Variants in DNAJC1 observed in about 807,000 individuals in gnomAD.
The protein encoded by DNAJC1 is DnaJ heat shock protein family (Hsp40) member C1.
In DNAJC1, 58 loss-of-function variants were observed where a neutral mutation model predicts 76.6. That is an observed-to-expected ratio of 0.76 (90% CI 0.61 to 0.94). The LOEUF (loss-of-function observed/expected upper bound fraction) is 0.94. Among genes scored for constraint, DNAJC1 ranks in the 40% least tolerant of loss-of-function variants. The probability of loss-of-function intolerance (pLI) is 0.00; values close to 1 mark genes in which losing one functional copy is unlikely to be tolerated. For missense variants in DNAJC1, 689 were observed against 677.3 expected, an observed-to-expected ratio of 1.02 and a Z score of -0.19; for synonymous variants, 258 against 267.9, an observed-to-expected ratio of 0.96 and a Z score of 0.36.
intron 7 of DNAJC1, among the ~76,000 whole-genome samples, chr10:21,885,573 T>G (rs1190088795): frequency 6.6e-6 from 1 of 152,146 alleles, no homozygotes; most frequent in Non-Finnish European, 1.5e-5. Flanking sequence ...ACTCTAAAAT[T>G]GATCACATAA....
intron 9 of DNAJC1, among the ~76,000 whole-genome samples, chr10:21,780,174 G>C (rs1488293263): frequency 6.6e-6 from 1 of 152,198 alleles, no homozygotes; most frequent in Non-Finnish European, 1.5e-5. Flanking sequence ...ACACTCTTCA[G>C]GATTTTATCC....
At chr10:21,841,370 T>C (rs1347583583) in intron 8 of DNAJC1, among the ~76,000 whole-genome samples, 1 of 151,930 alleles carries the variant, frequency 6.6e-6, no homozygotes, top group Non-Finnish European at 1.5e-5. Flanking sequence ...AGAGCTAATA[T>C]CCAGAATCTA....
intron 7 of DNAJC1, among the ~76,000 whole-genome samples, chr10:21,891,436 T>C (rs1259572611): frequency 2.3e-5 from 1 of 43,058 alleles, no homozygotes; most frequent in Non-Finnish European, 4.8e-5. Flanking sequence ...AATCTGAGGA[T>C]AGAAAAACAT....
intron 8 of DNAJC1, among the ~76,000 whole-genome samples, chr10:21,829,486 G>A (rs1209675092): frequency 1.3e-5 from 2 of 152,170 alleles, no homozygotes; most frequent in Non-Finnish European, 2.9e-5. Context: ...AAAGTGCTGG[G>A]ATTACAGGCA....
chr10:21,905,864 A>G (rs1163856914), intron 6 of DNAJC1, among the ~76,000 whole-genome samples: 2 of 152,278 alleles, frequency 1.3e-5, no homozygotes, highest in African/African-American at 2.4e-5. Context: ...ACATTCTCAG[A>G]CCATAAGATT....
Position 21,826,237 on chromosome 10 carries a change from C to CA in DNAJC1, c.979-20139dup, listed in dbSNP as rs538301271. Among the ~76,000 whole-genome samples, 271 of 77,496 alleles carry CA rather than the reference C, an allele frequency of 3.5e-3. 11 individuals carry two copies. The highest frequency in any genetic ancestry group is 0.025 in the East Asian group (39 of 1,544). The allele number at this position is 77,496 out of a possible 152,430, so 50.8% of individuals were successfully genotyped here. A position where few individuals can be genotyped will look rare whatever the true frequency, so the allele number is the denominator to read the frequency against. On this transcript the variant is annotated intron_variant, in intron 8 of 11. Transcript: ENST00000376980. ...TGGGCAACAAGAATGAGACTTTGTCCAAAAAAAAAAAAGAAGAAGAGGAGA... is the reference window on the plus strand; with the variant it reads ...TGGGCAACAAGAATGAGACTTTGTCCAAAAAAAAAAAAAGAAGAAGAGGAGA...
At chr10:21,840,333 G>C (rs552251118) in intron 8 of DNAJC1, among the ~76,000 whole-genome samples, 37 of 152,326 alleles carry the variant, frequency 2.4e-4, no homozygotes, top group African/African-American at 8.9e-4. Context: ...CAGACGACAT[G>C]ATTGTATATC....
At chr10:21,829,605 G>T (rs887623827) in intron 8 of DNAJC1, among the ~76,000 whole-genome samples, 1 of 152,186 alleles carries the variant, frequency 6.6e-6, no homozygotes, top group Admixed American at 6.5e-5. Flanking sequence ...ACCTGCCTCG[G>T]CCTCCCCAAG....
At chr10:21,758,466 C>G (rs1452034474) in intron 11 of DNAJC1, among the ~76,000 whole-genome samples, 1 of 152,216 alleles carries the variant, frequency 6.6e-6, no homozygotes, top group African/African-American at 2.4e-5. Flanking sequence ...CACTCCCGCC[C>G]CCTCCTCCCA....
At chr10:21,779,619 G>T (rs1010712501) in intron 9 of DNAJC1, among the ~76,000 whole-genome samples, 1 of 152,042 alleles carries the variant, frequency 6.6e-6, no homozygotes. Context: ...AAAGACCAAA[G>T]GTAGATAAAA....
intron 9 of DNAJC1, among the ~76,000 whole-genome samples, chr10:21,788,056 G>A (rs952660779): frequency 6.6e-6 from 1 of 152,220 alleles, no homozygotes; most frequent in African/African-American, 2.4e-5. Flanking sequence ...GCTCAGCTGT[G>A]AGCACCTTTC....
Position 22,003,466 on chromosome 10 carries a change from C to A in DNAJC1, c.-32G>T. 1 of 1,335,902 alleles carries A rather than the reference C, an allele frequency of 7.5e-7. No individual in the cohort carries two copies. The highest frequency in any genetic ancestry group is 9.5e-7 in the Non-Finnish European group (1 of 1,050,076). The allele number at this position is 1,335,902 out of a possible 1,614,324, so 82.8% of individuals were successfully genotyped here. A position where few individuals can be genotyped will look rare whatever the true frequency, so the allele number is the denominator to read the frequency against. On this transcript the variant is annotated 5_prime_UTR_variant, in exon 1 of 12. Coordinates refer to ENST00000376980, the MANE Select transcript of DNAJC1 (RefSeq NM_022365.4). ...GGGCTCGGAAAGGTCACCCGCCGCG[C>A]AGCTCCGTTGGCCGAGAGCTGGGAC...
intron 9 of DNAJC1, among the ~76,000 whole-genome samples, chr10:21,787,536 T>C (rs2131632119): frequency 6.6e-6 from 1 of 152,180 alleles, no homozygotes; most frequent in African/African-American, 2.4e-5. Context: ...AATAAACCAC[T>C]ACATTTTAAC....
chr10:21,781,629 G>A (rs1217357954), intron 9 of DNAJC1, among the ~76,000 whole-genome samples: 1 of 149,402 alleles, frequency 6.7e-6, no homozygotes, highest in African/African-American at 2.5e-5. Context: ...GCTGAGGCAG[G>A]AGAATGGCGT....
chr10:21,903,482 T>C (rs188051023), intron 7 of DNAJC1, among the ~76,000 whole-genome samples: 12 of 152,362 alleles, frequency 7.9e-5, no homozygotes, highest in East Asian at 7.7e-4. Flanking sequence ...TTTGTAAGTA[T>C]TGAAGCTTTT....
intron 5 of DNAJC1, 130 bp from the exon 6 acceptor site, chr10:21,919,002 A>G (rs1836998147): frequency 3.1e-6 from 2 of 638,284 alleles, no homozygotes; most frequent in South Asian, 3.9e-5. Flanking sequence ...AAAAATGAAG[A>G]AAGTATGCAC....
intron 9 of DNAJC1, among the ~76,000 whole-genome samples, chr10:21,777,748 C>G (rs1029829411): frequency 2.0e-5 from 3 of 152,232 alleles, no homozygotes; most frequent in Non-Finnish European, 4.4e-5. Flanking sequence ...CTGACATTAA[C>G]TAGTTTTTGG....
intron 1 of DNAJC1, among the ~76,000 whole-genome samples, chr10:21,934,884 G>A (rs1837286274): frequency 6.6e-6 from 1 of 152,060 alleles, no homozygotes. Flanking sequence ...ATCATTAGTT[G>A]ACCAGAGATT....
At chr10:21,780,749 T>A (rs951240485) in intron 9 of DNAJC1, among the ~76,000 whole-genome samples, 3 of 152,150 alleles carry the variant, frequency 2.0e-5, no homozygotes, top group African/African-American at 7.2e-5. Flanking sequence ...ATAACAATAT[T>A]AACCTTAAAT....
Sources: gnomAD v4.1 joint callset for allele counts (sites outside exome capture counted in the v4.1 genomes callset) on GRCh38, gnomAD v4.1.1 for gene constraint, MANE v1.5 for transcripts, NCBI Gene and HGNC (gene_info 2026-07-23, HGNC 2026-07-21) for gene names.